The following AGBL1 variants were observed in gnomAD, a reference collection of about 807,000 sequenced individuals.
The protein encoded by AGBL1 is AGBL carboxypeptidase 1.
A neutral mutation model predicts 118.9 loss-of-function variants in AGBL1; 130 were observed. The observed-to-expected ratio is 1.09, with a 90% CI of 0.95 to 1.26. The LOEUF (loss-of-function observed/expected upper bound fraction) is 1.26, where lower values mean the gene tolerates loss of function less well. Among genes scored for constraint, AGBL1 ranks in the 50% most tolerant of loss-of-function variants. The pLI, the probability that AGBL1 is intolerant of heterozygous loss-of-function variation, is 0.00. For missense variants in AGBL1, 1,584 were observed against 1,298.1 expected (o/e 1.22, Z -3.38); for synonymous variants, 555 against 478.9 (o/e 1.16, Z -2.08).
At chr15:86,991,175 C>G (rs978122819) in intron 24 of AGBL1, among the ~76,000 whole-genome samples, 3 of 152,202 alleles carry the variant, frequency 2.0e-5, no homozygotes, top group Admixed American at 1.3e-4. Context: ...GTCCTTAATA[C>G]TGGATCTGAA....
intron 22 of AGBL1, among the ~76,000 whole-genome samples, chr15:86,836,783 C>T (rs1170381684): frequency 6.6e-6 from 1 of 152,080 alleles, no homozygotes; most frequent in Admixed American, 6.6e-5. Context: ...GGTTTCTAAT[C>T]ATTAGGGTTC....
At position 86,912,873 on chromosome 15, in the gene AGBL1, G is replaced by C. The variant is rs1187960707; in HGVS notation, c.*5579G>C. ...CTCTAGTCTTGGAAAGACATGCATA[G>C]TAGCCTGGTGCCCACCAGGAGGGCT... On this transcript the variant is annotated 3_prime_UTR_variant, in exon 23 of 23. Transcript: ENST00000614907. 1 of 152,200 alleles carries C rather than the reference G, an allele frequency of 6.6e-6. No homozygotes were observed. Among genetic ancestry groups the C allele is most frequent in the Non-Finnish European group, 1.5e-5 (1 of 68,048 alleles). The allele number at this position is 152,200 out of a possible 1,614,324, so 9.4% of individuals were successfully genotyped here.
At chr15:86,203,370 T>A (rs2077938546) in intron 5 of AGBL1, among the ~76,000 whole-genome samples, 1 of 152,252 alleles carries the variant, frequency 6.6e-6, no homozygotes, top group Non-Finnish European at 1.5e-5. Context: ...TTTTCATTGA[T>A]AACTTATAGC....
chr15:86,951,808 T>C (rs2080883323), intron 23 of AGBL1, among the ~76,000 whole-genome samples: 1 of 152,234 alleles, frequency 6.6e-6, no homozygotes, highest in Non-Finnish European at 1.5e-5. Flanking sequence ...TCTTATATAT[T>C]TTCAAGCTCT....
intron 4 of AGBL1, among the ~76,000 whole-genome samples, chr15:86,158,712 C>T (rs1778014776): frequency 6.6e-6 from 1 of 152,204 alleles, no homozygotes; most frequent in South Asian, 2.1e-4. Flanking sequence ...AGAACTGATT[C>T]TTCATTTGAC....
chr15:86,775,339 A>T (rs1351542211), intron 22 of AGBL1, among the ~76,000 whole-genome samples: 1 of 152,158 alleles, frequency 6.6e-6, no homozygotes, highest in African/African-American at 2.4e-5. Flanking sequence ...ATATATGAAG[A>T]AAAATGCAAA....
intron 22 of AGBL1, among the ~76,000 whole-genome samples, chr15:86,874,470 C>T (rs1317956091): frequency 6.6e-6 from 1 of 152,028 alleles, no homozygotes; most frequent in Non-Finnish European, 1.5e-5. Flanking sequence ...CCCCATTACA[C>T]TGTTGAGAGC....
intron 5 of AGBL1, among the ~76,000 whole-genome samples, chr15:86,182,441 C>G (rs750705640): frequency 2.6e-5 from 4 of 152,174 alleles, no homozygotes; most frequent in Admixed American, 1.3e-4. Flanking sequence ...ATATATTTCT[C>G]TCTCTCTCTA....
intron 18 of AGBL1, among the ~76,000 whole-genome samples, chr15:86,495,424 T>A (rs2082837509): frequency 6.7e-6 from 1 of 149,958 alleles, no homozygotes; most frequent in African/African-American, 2.4e-5. Context: ...ATAAAAGAAA[T>A]TTCATTAAAA....
chr15:86,815,706 C>A (rs1184818662), intron 22 of AGBL1, among the ~76,000 whole-genome samples: 4 of 151,302 alleles, frequency 2.6e-5, no homozygotes, highest in African/African-American at 9.7e-5. Context: ...TCCAATCTTT[C>A]TGATATATTT....
chr15:86,651,636 T>G (rs1293233853), intron 21 of AGBL1, among the ~76,000 whole-genome samples: 1 of 152,200 alleles, frequency 6.6e-6, no homozygotes, highest in Admixed American at 6.5e-5. Flanking sequence ...TAAATGACGG[T>G]GTTCCTGTTT....
intron 5 of AGBL1, among the ~76,000 whole-genome samples, chr15:86,211,231 C>T (rs1338892426): frequency 6.6e-6 from 1 of 152,182 alleles, no homozygotes; most frequent in Non-Finnish European, 1.5e-5. Flanking sequence ...GGGGCACCCA[C>T]CTATATGAGG....
At chr15:87,024,152 A>C (rs928502930) in intron 24 of AGBL1, among the ~76,000 whole-genome samples, 2 of 152,096 alleles carry the variant, frequency 1.3e-5, no homozygotes, top group Non-Finnish European at 2.9e-5. Flanking sequence ...ACTAAATGAA[A>C]CTGAAACAAC....
intron 22 of AGBL1, among the ~76,000 whole-genome samples, chr15:86,848,938 G>T (rs1294410121): frequency 1.3e-5 from 2 of 151,970 alleles, no homozygotes; most frequent in African/African-American, 4.8e-5. Flanking sequence ...TTTTATCTTG[G>T]CAACCCTACT....
downstream of AGBL1, among the ~76,000 whole-genome samples, chr15:87,031,057 G>GCAAA (rs1419362893): frequency 6.6e-6 from 1 of 151,950 alleles, no homozygotes; most frequent in African/African-American, 2.4e-5. Flanking sequence ...TCATTTTTAG[G>GCAAA]CAAACATATT....
intron 21 of AGBL1, among the ~76,000 whole-genome samples, chr15:86,670,600 G>GACACACACACACACACAC (rs9302341): frequency 0.013 from 1,730 of 133,194 alleles, 56 homozygotes; most frequent in African/African-American, 0.047. Context: ...GTGAAACTCT[G>GACACACACACACACACAC]ACACACACAC....
At position 86,546,118 on chromosome 15, in the gene AGBL1, G is replaced by C. The variant is rs938376686; in HGVS notation, c.2802G>C (p.Glu934Asp). 2 of 1,612,874 alleles carry C rather than the reference G, an allele frequency of 1.2e-6. No homozygotes were observed. Among genetic ancestry groups the C allele is most frequent in the African/African-American group, 2.7e-5 (2 of 74,902 alleles). ...ACTVGTSTIL[E>D]EVNYRTLPKI... ...CTGTGGGCACATCTACTATCCTAGA[G>C]GAGGTCAACTACAGGGTAAGCCGCT... The change falls in exon 20 of 23, where the codon GAG becomes GAC. Residue 934 changes from glutamate to aspartate, a missense_variant. Transcript: ENST00000614907.
intron 17 of AGBL1, among the ~76,000 whole-genome samples, chr15:86,377,919 G>T (rs1250124240): frequency 6.6e-6 from 1 of 152,110 alleles, no homozygotes; most frequent in Admixed American, 6.5e-5. Context: ...TCCTGCTGTG[G>T]TCCTCTCTTC....
chr15:86,740,178 T>C (rs1188623887), intron 22 of AGBL1, among the ~76,000 whole-genome samples: 1 of 152,170 alleles, frequency 6.6e-6, no homozygotes, highest in African/African-American at 2.4e-5. Context: ...CAGGGAAGAG[T>C]TGGACAGTTT....
Sources: allele counts gnomAD v4.1 joint callset (sites outside exome capture counted in the v4.1 genomes callset), GRCh38; gene constraint gnomAD v4.1.1; transcripts MANE v1.5; gene names NCBI Gene and HGNC (gene_info 2026-07-23, HGNC 2026-07-21).